CDH2: variants seen among roughly 807,000 people sequenced by gnomAD.
CDH2 encodes the protein cadherin-2.
In CDH2, 17 loss-of-function variants were observed where a neutral mutation model predicts 92.0. That is an observed-to-expected ratio of 0.18 (90% CI 0.13 to 0.28). The LOEUF is 0.28. Among genes scored for constraint, CDH2 ranks in the 10% least tolerant of loss-of-function variants. The probability of loss-of-function intolerance (pLI) is 1.00; values close to 1 mark genes in which losing one functional copy is unlikely to be tolerated. For missense variants in CDH2, 862 were observed against 1,133.1 expected, an observed-to-expected ratio of 0.76 and a Z score of 3.44; for synonymous variants, 419 against 415.9, an observed-to-expected ratio of 1.01 and a Z score of -0.09.
At chr18:28,016,703 A>G (rs2013258030) in intron 2 of CDH2, among the ~76,000 whole-genome samples, 1 of 152,182 alleles carries the variant, frequency 6.6e-6, no homozygotes, top group South Asian at 2.1e-4. Context: ...GTGCAAAAGA[A>G]TCTAAACTCA....
Position 28,009,837 on chromosome 18 carries a change from C to G in CDH2, c.582G>C (p.Arg194=). ...CAGCTCCTGGCCCAGTTACACTGTA[C>G]CGCAGTGAAAGGTTTTTATCTCTAT... ...RSDRDKNLSL[R]YSVTGPGADQ... The change falls in exon 5 of 16, where the codon CGG becomes CGC. Residue 194 remains arginine, a synonymous_variant. Coordinates refer to ENST00000269141, the MANE Select transcript of CDH2 (RefSeq NM_001792.5). 1 of 1,613,236 alleles carries G rather than the reference C, an allele frequency of 6.2e-7. No individual in the cohort carries two copies. The highest frequency in any genetic ancestry group is 8.5e-7 in the Non-Finnish European group (1 of 1,179,616).
At chr18:28,087,814 C>T (rs1224356449) in intron 2 of CDH2, among the ~76,000 whole-genome samples, 4 of 151,888 alleles carry the variant, frequency 2.6e-5, no homozygotes, top group Non-Finnish European at 5.9e-5. Flanking sequence ...CAAAACAAAA[C>T]AAAACAAAAC....
chr18:28,121,849 C>T (rs373929033), intron 2 of CDH2, among the ~76,000 whole-genome samples: 28 of 152,034 alleles, frequency 1.8e-4, no homozygotes, highest in Admixed American at 9.8e-4. Context: ...CCCCAAGCAG[C>T]GAAGTGAGCA....
chr18:28,004,429 A>G (rs2012855405), intron 6 of CDH2, among the ~76,000 whole-genome samples: 2 of 152,358 alleles, frequency 1.3e-5, no homozygotes, highest in Non-Finnish European at 2.9e-5. Flanking sequence ...ATGTTTTCAA[A>G]CTTATAGAAG....
Position 28,147,729 on chromosome 18 carries a change from T to A in CDH2, c.116A>T (p.Asp39Val), listed in dbSNP as rs769118218. Residue 39 changes from aspartate to valine, a missense_variant, in exon 2 of 16, where the codon GAT (aspartate) becomes GTT (valine). By Grantham distance (152) the Asp-to-Val change is radical. Coordinates refer to ENST00000269141, the MANE Select transcript of CDH2 (RefSeq NM_001792.5). ...IALCKTGFPE[D>V]VYSAVLSKDV... ...CTTCGATAAGACTGCACTGTAAACA[T>A]CTTCAGGAAATCCAGTCTTGCATAA... 6.2e-7 allele frequency: 1 copy of A among 1,612,682 alleles called. No homozygotes were observed. Among genetic ancestry groups the A allele is most frequent in the Non-Finnish European group, 8.5e-7 (1 of 1,179,522 alleles).
intron 7 of CDH2, among the ~76,000 whole-genome samples, chr18:27,995,830 T>C (rs781684680): frequency 6.6e-6 from 1 of 152,148 alleles, no homozygotes; most frequent in African/African-American, 2.4e-5. Context: ...ACTTGGTAAA[T>C]AGTAAATAAT....
chr18:28,106,750 A>G (rs920450723), intron 2 of CDH2, among the ~76,000 whole-genome samples: 1 of 152,174 alleles, frequency 6.6e-6, no homozygotes, highest in African/African-American at 2.4e-5. Context: ...AAAGAAATCA[A>G]ATTCAAGTCT....
At chr18:28,137,956 C>T (rs560429514) in intron 2 of CDH2, among the ~76,000 whole-genome samples, 1 of 151,786 alleles carries the variant, frequency 6.6e-6, no homozygotes, top group Non-Finnish European at 1.5e-5. Context: ...ATAGTCTTAA[C>T]ATGTGTCTTA....
intron 2 of CDH2, among the ~76,000 whole-genome samples, chr18:28,126,491 C>T (rs1049187599): frequency 2.6e-5 from 4 of 152,146 alleles, no homozygotes; most frequent in Non-Finnish European, 5.9e-5. Flanking sequence ...TCCACTCCAA[C>T]TGGCTGTGAT....
At chr18:28,030,072 T>A (rs923135857) in intron 2 of CDH2, among the ~76,000 whole-genome samples, 1 of 152,142 alleles carries the variant, frequency 6.6e-6, no homozygotes, top group Non-Finnish European at 1.5e-5. Flanking sequence ...ATTCTTATAA[T>A]GTCCTGATAA....
chr18:27,942,861 T>C (rs1011438819), intron 6 of CDH2, among the ~76,000 whole-genome samples: 6 of 152,168 alleles, frequency 3.9e-5, no homozygotes, highest in Non-Finnish European at 7.3e-5. Flanking sequence ...GGCAGCTTTC[T>C]AGGCCCTGGA....
chr18:28,167,948 C>A (rs1415450710), intron 1 of CDH2, among the ~76,000 whole-genome samples: 10 of 151,998 alleles, frequency 6.6e-5, no homozygotes, highest in Admixed American at 6.5e-4. Context: ...ACCCGAGAGC[C>A]ATAAAGAATG....
chr18:28,074,060 A>T (rs1183132543), intron 2 of CDH2, among the ~76,000 whole-genome samples: 1 of 152,226 alleles, frequency 6.6e-6, no homozygotes, highest in Non-Finnish European at 1.5e-5. Context: ...GAATTTTTAA[A>T]ATTAATTTTT....
intron 6 of CDH2, among the ~76,000 whole-genome samples, chr18:27,934,078 C>T (rs1908966124): frequency 6.6e-6 from 1 of 152,336 alleles, no homozygotes; most frequent in South Asian, 2.1e-4. Flanking sequence ...TCTTTTCATT[C>T]TAACAAATAC....
chr18:27,935,900 T>A (rs928158899), intron 6 of CDH2, among the ~76,000 whole-genome samples: 1 of 152,246 alleles, frequency 6.6e-6, no homozygotes, highest in African/African-American at 2.4e-5. Context: ...TCATTTCACA[T>A]TTAAAGGATT....
At chr18:28,137,868 T>C (rs1187157445) in intron 2 of CDH2, among the ~76,000 whole-genome samples, 1 of 152,176 alleles carries the variant, frequency 6.6e-6, no homozygotes, top group Non-Finnish European at 1.5e-5. Context: ...TACTTTCATA[T>C]ATCTGCAGTA....
At chr18:28,118,103 T>C (rs1266484870) in intron 2 of CDH2, among the ~76,000 whole-genome samples, 2 of 87,548 alleles carry the variant, frequency 2.3e-5, no homozygotes, top group Non-Finnish European at 6.2e-5. Context: ...CTGAGTTCTG[T>C]TTTTTTTTTT....
At chr18:28,112,704 A>AAAC (rs375635279) in intron 2 of CDH2, among the ~76,000 whole-genome samples, 2,036 of 152,088 alleles carry the variant, frequency 0.013, 38 homozygotes, top group African/African-American at 0.045. Context: ...GAAAAGAGAA[A>AAAC]AACAACAACA....
intron 2 of CDH2, among the ~76,000 whole-genome samples, chr18:28,113,567 A>G (rs2015447887): frequency 6.6e-6 from 1 of 152,154 alleles, no homozygotes; most frequent in Admixed American, 6.6e-5. Context: ...AAGGCGAGGT[A>G]GATTTAGCAT....
Sources: gnomAD v4.1 joint callset for allele counts (sites outside exome capture counted in the v4.1 genomes callset) on GRCh38, gnomAD v4.1.1 for gene constraint, MANE v1.5 for transcripts, NCBI Gene and HGNC (gene_info 2026-07-23, HGNC 2026-07-21) for gene names.